UGT3A1: variants seen among roughly 807,000 people sequenced by gnomAD.
The protein encoded by UGT3A1 is UDP glycosyltransferase family 3 member A1, also known as UDP-glycosyltransferase 3A1.
Under a neutral mutation model 37.6 loss-of-function variants are expected in UGT3A1, and 40 were observed. The ratio of observed to expected loss-of-function variants is 1.06; its 90% CI spans 0.83 to 1.38. The LOEUF is 1.38. Among genes scored for constraint, UGT3A1 ranks in the 40% most tolerant of loss-of-function variants. UGT3A1 has a pLI of 0.00. For missense variants in UGT3A1, 642 were observed against 634.2 expected, an observed-to-expected ratio of 1.01 and a Z score of -0.13; for synonymous variants, 256 against 232.3, an observed-to-expected ratio of 1.10 and a Z score of -0.93.
Position 35,968,098 on chromosome 5 carries a change from T to C in UGT3A1, c.232A>G (p.Arg78Gly). ...KEEEKSYQVI[R>G]WFSPEDHQKR... ...TGATGATCTTCAGGTGAAAACCACCTGATAACTTGGTATGATTTTTCCTCC... is the reference window on the plus strand; with the variant it reads ...TGATGATCTTCAGGTGAAAACCACCCGATAACTTGGTATGATTTTTCCTCC... The change falls in exon 3 of 7, where the codon AGG becomes GGG. Residue 78 changes from arginine (R) to glycine (G), a missense_variant. Arg to Gly is a moderately radical substitution (Grantham distance 125). Transcript: ENST00000274278. The C allele has an allele frequency of 6.2e-7, 1 of 1,613,006 alleles. No individual in the cohort carries two copies. The highest frequency in any genetic ancestry group is 8.5e-7 in the Non-Finnish European group (1 of 1,179,642).
chr5:35,990,917 AAG>A (rs1740920140), intron 1 of UGT3A1: 1 of 1,397,724 alleles, frequency 7.2e-7, no homozygotes, highest in Non-Finnish European at 9.4e-7. Flanking sequence ...CCTGAACAAG[AAG>A]AGAGAAGAAA....
rs1739260695 is a variant in UGT3A1, at chr5:35,954,135, T to C, written c.*67A>G. 1.3e-6 allele frequency: 2 copies of C among 1,541,794 alleles called. No individual in the cohort carries two copies. The highest frequency in any genetic ancestry group is 8.8e-7 in the Non-Finnish European group (1 of 1,132,234). The stretch of plus-strand genomic sequence containing the variant: ...GAAGAGAGAACAGAGGGGTGGCGTG[T>C]GCTGGGGTGGGGAGAACCTTCAAAG... On this transcript the variant is annotated 3_prime_UTR_variant, in exon 7 of 7. Coordinates refer to ENST00000274278, the MANE Select transcript of UGT3A1 (RefSeq NM_152404.4).
At position 35,954,304 on chromosome 5, in the gene UGT3A1, C is replaced by A; in HGVS notation, c.1470G>T (p.Val490=). Residue 490 remains valine (V), a synonymous_variant, in exon 7 of 7, where the codon GTG becomes GTT. Transcript: ENST00000274278. The part of the protein sequence containing the change: ...WHEQYLIDVF[V]FLLGLTLGTM... ...TGCCCAGAGTGAGCCCCAGCAGAAACACAAAGACATCAATGAGGTACTGCT... is the reference window on the plus strand; with the variant it reads ...TGCCCAGAGTGAGCCCCAGCAGAAAAACAAAGACATCAATGAGGTACTGCT... 6.2e-7 allele frequency: 1 copy of A among 1,614,168 alleles called. No homozygotes were observed. The highest frequency in any genetic ancestry group is 8.5e-7 in the Non-Finnish European group (1 of 1,180,034).
chr5:35,979,089 G>A (rs1194797740), intron 2 of UGT3A1, among the ~76,000 whole-genome samples: 1 of 152,126 alleles, frequency 6.6e-6, no homozygotes, highest in African/African-American at 2.4e-5. Flanking sequence ...CTCTACCCCT[G>A]TGTCTTTGCA....
chr5:35,954,355 G>A lies in UGT3A1; in HGVS notation c.1419C>T (p.Pro473=). The change falls in exon 7 of 7, where the codon CCC becomes CCT. Residue 473 remains proline, a synonymous_variant. Transcript: ENST00000274278. ...LQTGGATHLK[P]YAFQQPWHEQ... Reference sequence around the variant, plus strand: ...CATGCCAAGGCTGCTGGAAGGCATAGGGCTTGAGGTGCGTCGCTCCCCCAG... The same window carrying A: ...CATGCCAAGGCTGCTGGAAGGCATAAGGCTTGAGGTGCGTCGCTCCCCCAG... 1 of 1,614,224 alleles carries A rather than the reference G, an allele frequency of 6.2e-7. No individual in the cohort carries two copies. The highest frequency in any genetic ancestry group is 8.5e-7 in the Non-Finnish European group (1 of 1,180,046).
upstream of UGT3A1, chr5:35,991,639 G>A (rs894165550): frequency 7.0e-6 from 7 of 1,005,504 alleles, no homozygotes; most frequent in African/African-American, 1.0e-4. Context: ...CTTTCGTGGA[G>A]CTGTCTGAAC....
At chr5:35,975,897 G>T (rs1740249306) in intron 2 of UGT3A1, among the ~76,000 whole-genome samples, 1 of 152,252 alleles carries the variant, frequency 6.6e-6, no homozygotes, top group East Asian at 1.9e-4. Context: ...TACATTGCAA[G>T]CCTGGGGCAG....
Position 35,965,437 on chromosome 5 carries a change from G to T in UGT3A1, c.792C>A (p.Asn264Lys), listed in dbSNP as rs753107468. 18 of 1,614,066 alleles carry T rather than the reference G, an allele frequency of 1.1e-5. No homozygotes were observed. The highest frequency in any genetic ancestry group is 1.0e-5 in the Non-Finnish European group (12 of 1,180,030). The change falls in exon 4 of 7, where the codon AAC (asparagine) becomes AAA (lysine). Residue 264 changes from asparagine (N) to lysine (K), a missense_variant. Physicochemically the swap from Asn to Lys is moderately conservative, Grantham distance 94. Transcript: ENST00000274278. ...CCATCAAGCCTCCAATATAAACAGTGTTGGGAAGCAGGGGCCGGGCAAAAT... is the reference window on the plus strand; with the variant it reads ...CCATCAAGCCTCCAATATAAACAGTTTTGGGAAGCAGGGGCCGGGCAAAAT... ...AFDFARPLLPNTVYIGGLMEK... is the reference protein window; with the variant it reads ...AFDFARPLLPKTVYIGGLMEK...
At chr5:35,990,529 GT>G (rs1183694540) in intron 1 of UGT3A1, among the ~76,000 whole-genome samples, 1 of 152,092 alleles carries the variant, frequency 6.6e-6, no homozygotes, top group Admixed American at 6.5e-5. Flanking sequence ...AGCGGCACAG[GT>G]AAAAGGAAGG....
At chr5:35,960,963 G>T (rs377466017) in intron 4 of UGT3A1, 109 of 153,050 alleles carry the variant, frequency 7.1e-4, no homozygotes, top group African/African-American at 2.5e-3. Context: ...CTGCTCTTCT[G>T]TTCATCTCCT....
intron 4 of UGT3A1, among the ~76,000 whole-genome samples, chr5:35,959,136 CAA>C (rs2149952288): frequency 6.6e-6 from 1 of 152,270 alleles, no homozygotes; most frequent in East Asian, 1.9e-4. Context: ...AAAGCACACA[CAA>C]AAGTCCAGAT....
intron 2 of UGT3A1, among the ~76,000 whole-genome samples, chr5:35,979,451 A>G (rs113934012): frequency 0.27 from 41,390 of 152,060 alleles, 6,967 homozygotes; most frequent in Non-Finnish European, 0.38. Flanking sequence ...AAGTTCCACA[A>G]ATCTCTAGGG....
chr5:35,962,597 A>C (rs1739630980), intron 4 of UGT3A1: 4 of 365,928 alleles, frequency 1.1e-5, no homozygotes, highest in Non-Finnish European at 2.0e-5. Context: ...TCAATCCTAC[A>C]CTGTCAGCAA....
At chr5:35,977,640 GC>G (rs796963564) in intron 2 of UGT3A1, among the ~76,000 whole-genome samples, 45 of 152,320 alleles carry the variant, frequency 3.0e-4, no homozygotes, top group African/African-American at 1.1e-3. Context: ...CAGAAGCTGA[GC>G]AGATGCTGGT....
At chr5:35,978,149 C>A (rs1740369806) in intron 2 of UGT3A1, among the ~76,000 whole-genome samples, 1 of 152,154 alleles carries the variant, frequency 6.6e-6, no homozygotes, top group Non-Finnish European at 1.5e-5. Context: ...GTTCTCCTGC[C>A]TCTGCCTCTT....
At position 35,957,195 on chromosome 5, in the gene UGT3A1, G is replaced by A; in HGVS notation, c.1068C>T (p.Asp356=). Reference sequence around the variant, plus strand: ...GACCTAAGCAGTCCTTACCCAGGAGGTCACTCTGAGGAAGCCAGTCCACAA... The same window carrying A: ...GACCTAAGCAGTCCTTACCCAGGAGATCACTCTGAGGAAGCCAGTCCACAA... ...VKIVDWLPQS[D]LLAHPSIRLF... Residue 356 remains aspartate (D), a synonymous_variant, in exon 5 of 7, where the codon GAC becomes GAT. Coordinates refer to ENST00000274278, the MANE Select transcript of UGT3A1 (RefSeq NM_152404.4). 2 of 1,614,078 alleles carry A rather than the reference G, an allele frequency of 1.2e-6. No individual in the cohort carries two copies. Among genetic ancestry groups the A allele is most frequent in the South Asian group, 1.1e-5 (1 of 91,086 alleles).
chr5:35,965,275 C>A (rs1739751721), intron 4 of UGT3A1, 111 bp downstream of exon 4: 3 of 1,493,982 alleles, frequency 2.0e-6, no homozygotes, highest in African/African-American at 1.4e-5. Context: ...TAGGTGCCTC[C>A]TTTGCCAATC....
intron 2 of UGT3A1, among the ~76,000 whole-genome samples, chr5:35,975,461 G>T (rs1469617761): frequency 6.6e-6 from 1 of 152,048 alleles, no homozygotes; most frequent in African/African-American, 2.4e-5. Flanking sequence ...TTCCCTTCAT[G>T]CAATGCTTCC....
chr5:35,963,721 T>C (rs1220484224), intron 4 of UGT3A1, among the ~76,000 whole-genome samples: 1 of 152,168 alleles, frequency 6.6e-6, no homozygotes, highest in Non-Finnish European at 1.5e-5. Flanking sequence ...AGCTGGTTCA[T>C]GGGGCCACAA....
Sources: allele counts gnomAD v4.1 joint callset (sites outside exome capture counted in the v4.1 genomes callset), GRCh38; gene constraint gnomAD v4.1.1; transcripts MANE v1.5; gene names NCBI Gene and HGNC (gene_info 2026-07-23, HGNC 2026-07-21).